COL11A1: variants seen among roughly 807,000 people sequenced by gnomAD.
COL11A1 encodes collagen type XI alpha 1 chain.
Under a neutral mutation model 265.2 loss-of-function variants are expected in COL11A1, and 74 were observed. That is an observed-to-expected ratio of 0.28 (90% CI 0.23 to 0.34). The LOEUF (loss-of-function observed/expected upper bound fraction) is 0.34, where lower values mean the gene tolerates loss of function less well. Ranked by LOEUF, COL11A1 falls within the 10% of genes least tolerant of loss-of-function variation. COL11A1 has a pLI of 1.00. For synonymous variants in COL11A1, 816 were observed against 727.6 expected (o/e 1.12, Z -1.96); for missense variants, 2,165 against 2,263.6 (o/e 0.96, Z 0.88).
At chr1:102,941,060 C>G (rs2616011) in intron 42 of COL11A1, among the ~76,000 whole-genome samples, 108,697 of 151,928 alleles carry the variant, frequency 0.72, 39,206 homozygotes, top group East Asian at 0.88. Context: ...CAGTTTTGCA[C>G]AAGATAATAT....
chr1:102,932,418 C>T (rs1366461646), intron 46 of COL11A1, among the ~76,000 whole-genome samples: 3 of 152,126 alleles, frequency 2.0e-5, no homozygotes, highest in African/African-American at 7.2e-5. Context: ...TGAATATTGG[C>T]CCCCACTCTC....
At chr1:103,054,693 G>A (rs1467371974) in intron 4 of COL11A1, among the ~76,000 whole-genome samples, 1 of 152,072 alleles carries the variant, frequency 6.6e-6, no homozygotes, top group East Asian at 1.9e-4. Context: ...CCTGAGGTCG[G>A]GAGTTCGAGA....
At chr1:102,980,835 A>C (rs530259924) in intron 31 of COL11A1, among the ~76,000 whole-genome samples, 1 of 152,092 alleles carries the variant, frequency 6.6e-6, no homozygotes, top group Non-Finnish European at 1.5e-5. Flanking sequence ...CAGGAATCTG[A>C]ATTTTTACCA....
intron 28 of COL11A1, among the ~76,000 whole-genome samples, chr1:102,994,152 A>T (rs567614966): frequency 6.6e-6 from 1 of 152,298 alleles, no homozygotes; most frequent in African/African-American, 2.4e-5. Context: ...AAATCCACAC[A>T]TAAGCCTTTT....
intron 13 of COL11A1, among the ~76,000 whole-genome samples, chr1:103,014,276 G>C (rs2101898252): frequency 6.6e-6 from 1 of 152,166 alleles, no homozygotes; most frequent in South Asian, 2.1e-4. Context: ...GTGGGAAACT[G>C]CTAGAATTAT....
intron 4 of COL11A1, among the ~76,000 whole-genome samples, chr1:103,059,873 G>A (rs1670528653): frequency 6.6e-6 from 1 of 151,948 alleles, no homozygotes; most frequent in Admixed American, 6.6e-5. Context: ...ATATCTAAAA[G>A]CTTTGGGACA....
rs753495125 is a variant in COL11A1, at chr1:102,998,315, G to A, written c.2191C>T (p.Pro731Ser). ...GLAGLPGADG[P>S]PGHPGKEGQS... The stretch of plus-strand genomic sequence containing the variant: ...ACCAGGTAGCTGTTACTTACAGGAG[G>A]CCCATCAGCACCAGGAAGTCCAGCA... The change falls in exon 25 of 67, where the codon CCT (proline) becomes TCT (serine). Residue 731 changes from proline (P) to serine (S), a missense_variant. Physicochemically the swap from Pro to Ser is moderately conservative, Grantham distance 74. Coordinates refer to ENST00000370096, the MANE Select transcript of COL11A1 (RefSeq NM_001854.4). 2.9e-5 allele frequency: 46 copies of A among 1,606,142 alleles called. No homozygotes were observed. The highest frequency in any genetic ancestry group is 4.0e-5 in the African/African-American group (3 of 74,622).
At chr1:103,070,583 A>T (rs1671505908) in intron 4 of COL11A1, among the ~76,000 whole-genome samples, 1 of 151,840 alleles carries the variant, frequency 6.6e-6, no homozygotes. Context: ...ATGATAAGGA[A>T]TCTCTTGGGT....
intron 42 of COL11A1, among the ~76,000 whole-genome samples, chr1:102,944,501 TG>T (rs993704498): frequency 6.6e-6 from 1 of 152,130 alleles, no homozygotes; most frequent in Non-Finnish European, 1.5e-5. Context: ...TGAAAGAGGA[TG>T]GGGAAGCAAG....
At chr1:103,079,443 T>C (rs1672230183) in intron 2 of COL11A1, among the ~76,000 whole-genome samples, 1 of 152,088 alleles carries the variant, frequency 6.6e-6, no homozygotes, top group Non-Finnish European at 1.5e-5. Context: ...AACTTGATTT[T>C]AAATTCAAGA....
At position 102,888,774 on chromosome 1, in the gene COL11A1, G is replaced by A. The variant is rs751186318; in HGVS notation, c.4519-16C>T. The A allele has an allele frequency of 2.0e-5, 32 of 1,613,844 alleles. No individual in the cohort carries two copies. In the Admixed American group the frequency reaches 4.5e-4, roughly 23 times the overall value. On this transcript the variant is annotated splice_polypyrimidine_tract_variant and intron_variant, in intron 60 of 66. Coordinates refer to ENST00000370096, the MANE Select transcript of COL11A1 (RefSeq NM_001854.4). ...CTTGAGGACCCTACAAAATGCAAAT[G>A]CAAAAGCACAGATAAAAATCTGGAG...
In COL11A1 at chr1:103,026,220, G is replaced by A. The variant is rs398123652; in HGVS notation, c.893C>T (p.Thr298Met). 16 of 1,607,612 alleles carry A rather than the reference G, an allele frequency of 1.0e-5. No individual in the cohort carries two copies. The highest frequency in any genetic ancestry group is 2.2e-5 in the East Asian group (1 of 44,820). ...PTVTEETIAQ[T>M]EANIVDDFQE... ...CAGGCACTGCTTTGTTTTTACCTCC[G>A]TCTGTGCTATTGTCTCCTCAGTTAC... The change falls in exon 6 of 67, where the codon ACG becomes ATG. Residue 298 changes from threonine to methionine, a missense_variant. Physicochemically the swap from Thr to Met is moderately conservative, Grantham distance 81 (BLOSUM62 -1). Coordinates refer to ENST00000370096, the MANE Select transcript of COL11A1 (RefSeq NM_001854.4).
At chr1:102,941,494 G>A (rs1658719449) in intron 42 of COL11A1, among the ~76,000 whole-genome samples, 1 of 152,118 alleles carries the variant, frequency 6.6e-6, no homozygotes, top group African/African-American at 2.4e-5. Context: ...CCTGCTACCT[G>A]CCCAAACACA....
intron 54 of COL11A1, among the ~76,000 whole-genome samples, chr1:102,909,863 T>A (rs1172041355): frequency 6.6e-6 from 1 of 151,934 alleles, no homozygotes; most frequent in Non-Finnish European, 1.5e-5. Flanking sequence ...TCGATCATTA[T>A]CCATTCCAAA....
chr1:102,971,172 T>C (rs1661947931), intron 36 of COL11A1, among the ~76,000 whole-genome samples: 1 of 152,232 alleles, frequency 6.6e-6, no homozygotes, highest in Non-Finnish European at 1.5e-5. Flanking sequence ...TTTTCTTAAA[T>C]GTCCTCTTGG....
intron 37 of COL11A1, among the ~76,000 whole-genome samples, chr1:102,969,031 A>G (rs953844282): frequency 1.3e-5 from 2 of 152,202 alleles, no homozygotes; most frequent in Admixed American, 6.5e-5. Flanking sequence ...GCATTTGCAA[A>G]TTGAGTGTTG....
intron 54 of COL11A1, among the ~76,000 whole-genome samples, chr1:102,910,909 A>T (rs1224169949): frequency 6.6e-6 from 1 of 152,182 alleles, no homozygotes; most frequent in African/African-American, 2.4e-5. Context: ...TGTTGTTCCA[A>T]GAAGTATTTC....
At chr1:103,083,432 T>C (rs1318619266) in intron 1 of COL11A1, among the ~76,000 whole-genome samples, 1 of 12,342 alleles carries the variant, frequency 8.1e-5, no homozygotes, top group Non-Finnish European at 4.1e-4. Context: ...AAATATTTCA[T>C]TTTCCAACAG....
intron 47 of COL11A1, among the ~76,000 whole-genome samples, chr1:102,921,988 T>C (rs1042066761): frequency 1.3e-5 from 2 of 152,240 alleles, no homozygotes; most frequent in African/African-American, 4.8e-5. Flanking sequence ...TATTTTTAGC[T>C]TTTTCTATGT....
Sources: gnomAD v4.1 joint callset for allele counts (sites outside exome capture counted in the v4.1 genomes callset) on GRCh38, gnomAD v4.1.1 for gene constraint, MANE v1.5 for transcripts, NCBI Gene and HGNC (gene_info 2026-07-23, HGNC 2026-07-21) for gene names.